Variants in CSMD2 observed in about 807,000 individuals in gnomAD.
CSMD2 encodes CUB and sushi domain-containing protein 2.
A neutral mutation model predicts 398.5 loss-of-function variants in CSMD2; 130 were observed. That is an observed-to-expected ratio of 0.33 (90% CI 0.28 to 0.38). The LOEUF is 0.38. CSMD2 is among the 10% of genes least tolerant of loss of function. The pLI, the probability that CSMD2 is intolerant of heterozygous loss-of-function variation, is 1.00. For synonymous variants in CSMD2, 1,828 were observed against 1,908.5 expected, an observed-to-expected ratio of 0.96 and a Z score of 1.10; for missense variants, 3,829 against 4,764.9, an observed-to-expected ratio of 0.80 and a Z score of 5.78.
rs138758774 is a variant in CSMD2 at position 33,712,589 on chromosome 1, G to A, written c.3406+1998C>T. 3.4e-3 allele frequency among the ~76,000 whole-genome samples: 514 copies of A among 152,330 alleles called. 3 individuals carry two copies. Among genetic ancestry groups the A allele is most frequent in the African/African-American group, 0.012 (492 of 41,570 alleles). ...TGTAATAATGAAAATATTGTGAGGT[G>A]TCATGAACAAACAGTAATTGGAATA... is the stretch of plus-strand genomic sequence containing the variant. On this transcript the variant is annotated intron_variant, in intron 21 of 70. Transcript: ENST00000373381.
In CSMD2 at chr1:33,652,306, G is replaced by A. The variant is rs1474632045; in HGVS notation, c.4586+17C>T. On this transcript the variant is annotated intron_variant, in intron 28 of 70. Coordinates refer to ENST00000373381, the MANE Select transcript of CSMD2 (RefSeq NM_001281956.2). ...ACTCTGAACCCTTCGTCTCCCACCC[G>A]GGGGAAAGGTACATACATGTTAAAT... The A allele has an allele frequency of 7.4e-6, 12 of 1,611,210 alleles. No individual in the cohort carries two copies. The highest frequency in any genetic ancestry group is 3.3e-5 in the Admixed American group (2 of 59,956).
chr1:33,901,824 C>T (rs1490064073), intron 5 of CSMD2, among the ~76,000 whole-genome samples: 1 of 152,186 alleles, frequency 6.6e-6, no homozygotes, highest in African/African-American at 2.4e-5. Flanking sequence ...CTTGCCCAAA[C>T]TCACGCATAA....
At chr1:33,659,089 G>T (rs1484823391) in intron 26 of CSMD2, among the ~76,000 whole-genome samples, 1 of 152,158 alleles carries the variant, frequency 6.6e-6, no homozygotes, top group Non-Finnish European at 1.5e-5. Flanking sequence ...GGGCAGAGAA[G>T]AATTCAAAAA....
intron 2 of CSMD2, among the ~76,000 whole-genome samples, chr1:34,035,279 A>G (rs1043868776): frequency 3.3e-5 from 5 of 152,180 alleles, no homozygotes; most frequent in African/African-American, 1.2e-4. Context: ...GAATTCTACC[A>G]AACATATAAA....
At chr1:33,953,973 A>G (rs1196027963) in intron 3 of CSMD2, among the ~76,000 whole-genome samples, 1 of 151,966 alleles carries the variant, frequency 6.6e-6, no homozygotes, top group Non-Finnish European at 1.5e-5. Flanking sequence ...CCCTTCTCCA[A>G]TCCCCCATGC....
chr1:33,947,056 T>C (rs1420295154), intron 3 of CSMD2, among the ~76,000 whole-genome samples: 1 of 152,212 alleles, frequency 6.6e-6, no homozygotes, highest in African/African-American at 2.4e-5. Context: ...CAGCTGCAGA[T>C]AGAATGTCAT....
At chr1:33,875,984 T>C (rs1447571256) in intron 5 of CSMD2, among the ~76,000 whole-genome samples, 1 of 152,212 alleles carries the variant, frequency 6.6e-6, no homozygotes, top group Non-Finnish European at 1.5e-5. Flanking sequence ...CCCCAAGGTC[T>C]AGGTGTAGGT....
rs191345513 is a variant in CSMD2, at chr1:33,623,351, C to T, written c.5722+19G>A. 150 of 1,586,938 alleles carry T rather than the reference C, an allele frequency of 9.5e-5. No homozygotes were observed. In the African/African-American group the frequency reaches 1.8e-3, roughly 19 times the overall value. On this transcript the variant is annotated intron_variant, in intron 36 of 70. Coordinates refer to ENST00000373381, the MANE Select transcript of CSMD2 (RefSeq NM_001281956.2). ...CTAGTACTACCCTCCAAATTGAAGCCCCTGGAAACCCAGCTTACCTGAGAA... is the reference window on the plus strand; with the variant it reads ...CTAGTACTACCCTCCAAATTGAAGCTCCTGGAAACCCAGCTTACCTGAGAA...
chr1:33,741,178 A>G (rs569752100), intron 14 of CSMD2, among the ~76,000 whole-genome samples: 1 of 152,126 alleles, frequency 6.6e-6, no homozygotes, highest in Non-Finnish European at 1.5e-5. Flanking sequence ...TCCTTGTTAC[A>G]GGGACACAGA....
intron 13 of CSMD2, among the ~76,000 whole-genome samples, chr1:33,755,074 T>C (rs1648802690): frequency 6.6e-6 from 1 of 152,066 alleles, no homozygotes; most frequent in South Asian, 2.1e-4. Flanking sequence ...TTTATAGCAG[T>C]GCCAATTTGT....
intron 49 of CSMD2, among the ~76,000 whole-genome samples, chr1:33,575,446 G>A (rs765772918): frequency 2.0e-5 from 3 of 152,176 alleles, no homozygotes; most frequent in Non-Finnish European, 4.4e-5. Context: ...GAGGGAGGAA[G>A]TGAAGACAGC....
At chr1:33,788,358 A>C (rs571008412) in intron 12 of CSMD2, among the ~76,000 whole-genome samples, 1 of 151,846 alleles carries the variant, frequency 6.6e-6, no homozygotes, top group Non-Finnish European at 1.5e-5. Flanking sequence ...AAATACAAAA[A>C]TTAGCCAGGC....
intron 41 of CSMD2, among the ~76,000 whole-genome samples, chr1:33,607,212 C>T (rs539464076): frequency 2.6e-5 from 4 of 152,242 alleles, no homozygotes; most frequent in Non-Finnish European, 4.4e-5. Flanking sequence ...CATGTCGGAC[C>T]GGGAGGCCTG....
intron 2 of CSMD2, among the ~76,000 whole-genome samples, chr1:34,063,956 T>C (rs1654827251): frequency 1.3e-5 from 2 of 152,206 alleles, no homozygotes; most frequent in Non-Finnish European, 2.9e-5. Context: ...TGCCAAGGCT[T>C]GGGGCTTCCA....
intron 3 of CSMD2, among the ~76,000 whole-genome samples, chr1:33,981,806 T>C (rs1646178236): frequency 6.6e-6 from 1 of 152,116 alleles, no homozygotes; most frequent in African/African-American, 2.4e-5. Flanking sequence ...AGTCTGGAGC[T>C]GAGAGCTGAG....
intron 12 of CSMD2, among the ~76,000 whole-genome samples, chr1:33,778,222 G>T (rs1652249925): frequency 6.6e-6 from 1 of 151,934 alleles, no homozygotes; most frequent in Non-Finnish European, 1.5e-5. Context: ...TTGAGACAGG[G>T]TCTTGCTCTG....
intron 1 of CSMD2, among the ~76,000 whole-genome samples, chr1:34,128,723 G>A (rs916175006): frequency 2.6e-5 from 4 of 152,234 alleles, no homozygotes; most frequent in East Asian, 1.9e-4. Flanking sequence ...TGAGTAGACC[G>A]GCTTTTGTTC....
At chr1:33,792,307 C>G in intron 11 of CSMD2, 116 bp downstream of exon 11, 1 of 740,916 alleles carries the variant, frequency 1.3e-6, no homozygotes, top group Non-Finnish European at 2.5e-6. Context: ...AGGAACATTG[C>G]AGGATACTGT....
chr1:33,611,427 G>C (rs1340893308), intron 40 of CSMD2, among the ~76,000 whole-genome samples, 177 bp from the exon 41 acceptor site: 1 of 152,204 alleles, frequency 6.6e-6, no homozygotes, highest in Non-Finnish European at 1.5e-5. Context: ...TCTTGTCTTT[G>C]ACAGGGCTGA....
Sources: allele counts gnomAD v4.1 joint callset (sites outside exome capture counted in the v4.1 genomes callset), GRCh38; gene constraint gnomAD v4.1.1; transcripts MANE v1.5; gene names NCBI Gene and HGNC (gene_info 2026-07-23, HGNC 2026-07-21).